CACHD1: variants seen among roughly 807,000 people sequenced by gnomAD.
CACHD1 encodes the protein VWFA and cache domain-containing protein 1.
A neutral mutation model predicts 138.7 loss-of-function variants in CACHD1; 71 were observed. That is an observed-to-expected ratio of 0.51 (90% CI 0.42 to 0.62). The LOEUF is 0.62. Ranked by LOEUF, CACHD1 falls within the 20% of genes least tolerant of loss-of-function variation. The pLI is 0.00. For missense variants in CACHD1, 1,389 were observed against 1,625.3 expected (o/e 0.85, Z 2.50); for synonymous variants, 578 against 591.5 (o/e 0.98, Z 0.33).
chr1:64,657,281 AT>A (rs536986210), intron 12 of CACHD1, among the ~76,000 whole-genome samples: 1 of 152,152 alleles, frequency 6.6e-6, no homozygotes, highest in Non-Finnish European at 1.5e-5. Context: ...TGTAGAGACT[AT>A]TTTTTTCAGC....
intron 26 of CACHD1, among the ~76,000 whole-genome samples, chr1:64,687,934 T>G (rs553788325): frequency 6.6e-6 from 1 of 152,026 alleles, no homozygotes; most frequent in East Asian, 1.9e-4. Context: ...TATTATAATA[T>G]GGCAAAATAT....
At chr1:64,508,541 A>G (rs1179868943) in intron 1 of CACHD1, among the ~76,000 whole-genome samples, 1 of 152,196 alleles carries the variant, frequency 6.6e-6, no homozygotes, top group African/African-American at 2.4e-5. Context: ...GGGGATAATC[A>G]TGCCTACCTT....
chr1:64,642,884 C>T (rs1225992219), intron 8 of CACHD1, among the ~76,000 whole-genome samples: 3 of 150,932 alleles, frequency 2.0e-5, no homozygotes, highest in Non-Finnish European at 4.4e-5. Flanking sequence ...ACTAAAAATA[C>T]AAAAATTAGC....
chr1:64,542,665 T>C lies in CACHD1; in HGVS notation c.199-7929T>C, dbSNP rs148374163. ...ATATATATTATTTACAGGCAAGCCC[T>C]GTTACTATTTTGATCAACTTCTAGG... On this transcript the variant is annotated intron_variant, in intron 1 of 26. Transcript: ENST00000651257. Among the ~76,000 whole-genome samples the C allele has an allele frequency of 9.2e-5, 14 of 152,308 alleles. No homozygotes were observed. In the East Asian group the frequency reaches 2.3e-3, roughly 25 times the overall value.
At chr1:64,643,529 T>A (rs903405639) in intron 8 of CACHD1, among the ~76,000 whole-genome samples, 2 of 152,198 alleles carry the variant, frequency 1.3e-5, no homozygotes, top group African/African-American at 4.8e-5. Context: ...CTTAATGTAG[T>A]ACCTGGTAAA....
chr1:64,634,488 A>T (rs1019148801), intron 7 of CACHD1, among the ~76,000 whole-genome samples: 10 of 151,780 alleles, frequency 6.6e-5, no homozygotes, highest in African/African-American at 2.4e-4. Context: ...GGCTCCAGCA[A>T]TCTTTCTACT....
Position 64,634,084 on chromosome 1 carries a change from C to T in CACHD1, c.830C>T (p.Ser277Leu), listed in dbSNP as rs1648415546. The part of the protein sequence containing the change: ...LTVADTVRTC[S>L]LDQCYKTFLS... The stretch of plus-strand genomic sequence containing the variant: ...GTGGCAGATACCGTCCGGACTTGCT[C>T]ACTAGACCAGTGCTATAAGACCTTC... The change falls in exon 7 of 27, where the codon TCA becomes TTA. Residue 277 changes from serine (S) to leucine (L), a missense_variant. Coordinates refer to ENST00000651257, the MANE Select transcript of CACHD1 (RefSeq NM_020925.4). The T allele has an allele frequency of 6.2e-7, 1 of 1,611,968 alleles. No individual in the cohort carries two copies.
chr1:64,558,865 A>G (rs1646818043), intron 2 of CACHD1, among the ~76,000 whole-genome samples: 1 of 152,228 alleles, frequency 6.6e-6, no homozygotes, highest in African/African-American at 2.4e-5. Flanking sequence ...AAAAGAAGAC[A>G]TACATCTTCC....
At chr1:64,646,748 G>T (rs749656050) in intron 8 of CACHD1, among the ~76,000 whole-genome samples, 1 of 152,018 alleles carries the variant, frequency 6.6e-6, no homozygotes, top group Non-Finnish European at 1.5e-5. Flanking sequence ...GTGGGGGGTG[G>T]GAGAAAGAAA....
intron 1 of CACHD1, among the ~76,000 whole-genome samples, chr1:64,485,245 C>T (rs1300753523): frequency 6.6e-6 from 1 of 152,156 alleles, no homozygotes; most frequent in Admixed American, 6.6e-5. Context: ...GTAACCAACA[C>T]CACAGTCAAG....
chr1:64,531,070 C>T (rs1319123025), intron 1 of CACHD1, among the ~76,000 whole-genome samples: 1 of 151,970 alleles, frequency 6.6e-6, no homozygotes, highest in African/African-American at 2.4e-5. Context: ...TCAGCCAGTT[C>T]TATAATACAG....
Position 64,511,112 on chromosome 1 carries a change from G to A in CACHD1, c.199-39482G>A, listed in dbSNP as rs189564835. ...TTTAGTGTACCTAAGATCTCTACAG[G>A]TATAGGACATTAAAGCAGATGGAGT... is the stretch of plus-strand genomic sequence containing the variant. On this transcript the variant is annotated intron_variant, in intron 1 of 26. Transcript: ENST00000651257. Among the ~76,000 whole-genome samples the A allele has an allele frequency of 2.5e-3, 381 of 152,278 alleles. 1 individual carries two copies. Among genetic ancestry groups the A allele is most frequent in the Middle Eastern group, 0.017 (5 of 292 alleles).
At chr1:64,603,978 C>T (rs1386395028) in intron 4 of CACHD1, among the ~76,000 whole-genome samples, 2 of 152,178 alleles carry the variant, frequency 1.3e-5, no homozygotes, top group Non-Finnish European at 2.9e-5. Flanking sequence ...AAAGACTTTC[C>T]TTATTGCTGG....
intron 1 of CACHD1, among the ~76,000 whole-genome samples, chr1:64,490,608 T>C (rs1646269540): frequency 6.6e-6 from 1 of 152,180 alleles, no homozygotes; most frequent in South Asian, 2.1e-4. Context: ...ACTTTGTGGG[T>C]GGTGCAATGC....
intron 12 of CACHD1, 51 bp downstream of exon 12, chr1:64,654,854 C>CT: frequency 7.4e-7 from 1 of 1,353,856 alleles, no homozygotes; most frequent in Non-Finnish European, 1.1e-6. Flanking sequence ...GTACAGTGCT[C>CT]TTCTTCATGT....
chr1:64,666,327 A>G (rs1649631984), intron 16 of CACHD1, among the ~76,000 whole-genome samples, 160 bp downstream of exon 16: 1 of 152,114 alleles, frequency 6.6e-6, no homozygotes, highest in Non-Finnish European at 1.5e-5. Context: ...GTCACCTTCA[A>G]TTCCGTAGCT....
chr1:64,542,510 T>G (rs945769678), intron 1 of CACHD1, among the ~76,000 whole-genome samples: 1 of 152,208 alleles, frequency 6.6e-6, no homozygotes, highest in African/African-American at 2.4e-5. Flanking sequence ...TGAGGTGGTG[T>G]AGAGTCTAGT....
At chr1:64,526,049 C>T (rs190100171) in intron 1 of CACHD1, among the ~76,000 whole-genome samples, 53 of 152,212 alleles carry the variant, frequency 3.5e-4, no homozygotes, top group Middle Eastern at 6.8e-3. Context: ...ATTTGTGAAC[C>T]GTGTCAGCTT....
intron 2 of CACHD1, among the ~76,000 whole-genome samples, chr1:64,572,881 C>T (rs765984117): frequency 1.2e-4 from 19 of 152,178 alleles, no homozygotes; most frequent in Non-Finnish European, 2.2e-4. Context: ...ACCCTGAAGT[C>T]TCCACAGGCC....
Sources: allele counts gnomAD v4.1 joint callset (sites outside exome capture counted in the v4.1 genomes callset), GRCh38; gene constraint gnomAD v4.1.1; transcripts MANE v1.5; gene names NCBI Gene and HGNC (gene_info 2026-07-23, HGNC 2026-07-21).